Variants in SPATA13 observed in about 807,000 individuals in gnomAD.
SPATA13 encodes spermatogenesis associated 13.
A neutral mutation model predicts 104.0 loss-of-function variants in SPATA13; 50 were observed. The observed-to-expected ratio is 0.48, with a 90% CI of 0.38 to 0.61. The LOEUF (loss-of-function observed/expected upper bound fraction) is 0.61, where lower values mean the gene tolerates loss of function less well. Among genes scored for constraint, SPATA13 ranks in the 20% least tolerant of loss-of-function variants. The pLI is 0.00. For missense variants in SPATA13, 1,524 were observed against 1,690.6 expected, an observed-to-expected ratio of 0.90 and a Z score of 1.73; for synonymous variants, 606 against 667.5, an observed-to-expected ratio of 0.91 and a Z score of 1.42.
upstream of SPATA13, chr13:24,160,618 A>T: frequency 1.8e-6 from 1 of 569,128 alleles, no homozygotes; most frequent in Non-Finnish European, 2.0e-6. Flanking sequence ...GTGTGGCCTG[A>T]GGGAGTGAGC....
At chr13:24,066,573 C>T (rs1006713783) in intron 3 of SPATA13, among the ~76,000 whole-genome samples, 2 of 152,110 alleles carry the variant, frequency 1.3e-5, no homozygotes, top group South Asian at 2.1e-4. Context: ...TTCTCAAAGG[C>T]GGGAGTGCCT....
chr13:24,126,231 C>A (rs777175296), intron 3 of SPATA13, among the ~76,000 whole-genome samples: 3 of 152,132 alleles, frequency 2.0e-5, no homozygotes, highest in Non-Finnish European at 1.5e-5. Flanking sequence ...GGAGCCTTTG[C>A]GGCTGTGACC....
At chr13:24,220,079 C>T (rs906826911) in intron 1 of SPATA13, among the ~76,000 whole-genome samples, 9 of 152,118 alleles carry the variant, frequency 5.9e-5, no homozygotes, top group African/African-American at 2.2e-4. Flanking sequence ...ATTACCTTAT[C>T]ATTGCCTTGA....
chr13:24,145,720 T>C (rs1326081907), intron 3 of SPATA13, among the ~76,000 whole-genome samples: 1 of 152,136 alleles, frequency 6.6e-6, no homozygotes, highest in East Asian at 1.9e-4. Flanking sequence ...GTGGAGAGAA[T>C]TGTGCATGAT....
intron 3 of SPATA13, among the ~76,000 whole-genome samples, chr13:24,107,657 G>A (rs898848925): frequency 2.6e-5 from 4 of 152,100 alleles, no homozygotes; most frequent in African/African-American, 7.2e-5. Context: ...CAATGACAGC[G>A]CCTACGTCAG....
chr13:24,234,494 C>T (rs1292273283), intron 2 of SPATA13, among the ~76,000 whole-genome samples: 1 of 152,196 alleles, frequency 6.6e-6, no homozygotes, highest in Non-Finnish European at 1.5e-5. Flanking sequence ...GAATTGCTTT[C>T]AACCCGGCTT....
intron 2 of SPATA13, among the ~76,000 whole-genome samples, chr13:24,233,973 G>A (rs939534899): frequency 2.6e-5 from 4 of 151,236 alleles, no homozygotes; most frequent in Non-Finnish European, 5.9e-5. Context: ...TAAAATTATC[G>A]TATACCTGTA....
chr13:24,118,080 A>C (rs1313986312), intron 3 of SPATA13, among the ~76,000 whole-genome samples: 2 of 152,174 alleles, frequency 1.3e-5, no homozygotes, highest in African/African-American at 4.8e-5. Flanking sequence ...TTGGTTGATC[A>C]AAACTCTAAA....
At chr13:24,184,821 A>G (rs529586112) in intron 1 of SPATA13, among the ~76,000 whole-genome samples, 247 of 152,184 alleles carry the variant, frequency 1.6e-3, no homozygotes, top group African/African-American at 5.7e-3. Context: ...TTTTTTTTTA[A>G]TAAAATACTT....
At chr13:24,048,895 T>C (rs1364994135) in intron 3 of SPATA13, among the ~76,000 whole-genome samples, 4 of 152,016 alleles carry the variant, frequency 2.6e-5, no homozygotes, top group Non-Finnish European at 5.9e-5. Context: ...TTCTTTATTA[T>C]AGAAGAAAAT....
intron 3 of SPATA13, among the ~76,000 whole-genome samples, chr13:24,097,673 G>C (rs1054768801): frequency 6.6e-6 from 1 of 152,172 alleles, no homozygotes; most frequent in African/African-American, 2.4e-5. Context: ...AAACAAGCCA[G>C]GCATAGTTTC....
At position 24,018,943 on chromosome 13, in the gene SPATA13, T is replaced by G. The variant is rs577188918; in HGVS notation, c.-112+1242T>G. On this transcript the variant is annotated intron_variant, in intron 3 of 14. Coordinates refer to the SPATA13 transcript ENST00000424834. The stretch of plus-strand genomic sequence containing the variant: ...ACTTAATTTGTCTGTTTTAGGACAT[T>G]TCAAATATTTAAGATGCAGAAGAAT... 3.3e-5 allele frequency among the ~76,000 whole-genome samples: 5 copies of G among 152,274 alleles called. No individual in the cohort carries two copies. The South Asian group carries it at 8.3e-4, about 25-fold the overall frequency.
chr13:24,074,144 A>ACT (rs10676141), intron 3 of SPATA13, among the ~76,000 whole-genome samples: 77,408 of 151,954 alleles, frequency 0.51, 19,807 homozygotes, highest in Middle Eastern at 0.55. Flanking sequence ...AAGATCTGAA[A>ACT]CTGTCTTCAT....
intron 3 of SPATA13, among the ~76,000 whole-genome samples, chr13:24,119,055 G>C (rs1031636320): frequency 1.3e-5 from 2 of 151,972 alleles, no homozygotes; most frequent in African/African-American, 4.8e-5. Context: ...GCAGGCGCCT[G>C]CCACCGCTCC....
intron 4 of SPATA13, among the ~76,000 whole-genome samples, chr13:24,272,479 A>G (rs566675803): frequency 2.6e-5 from 4 of 152,198 alleles, no homozygotes; most frequent in African/African-American, 7.2e-5. Flanking sequence ...AAAACAAATA[A>G]TAAAGCTTGC....
At position 24,011,134 on chromosome 13, in the gene SPATA13, C is replaced by T. The variant is rs1360291634; in HGVS notation, c.-146-6533C>T. ...TGACCACCTGGCCGTGGGCCCCTCC[C>T]TGTAGAGCCACACTGCAGGAAAACA... On this transcript the variant is annotated intron_variant, in intron 2 of 14. Transcript: ENST00000424834. The surrounding 1 kb of genome is among the most constrained non-coding windows in gnomAD (Gnocchi z 4.3). 6.6e-6 allele frequency among the ~76,000 whole-genome samples: 1 copy of T among 152,140 alleles called. No individual in the cohort carries two copies. The highest frequency in any genetic ancestry group is 2.4e-5 in the African/African-American group (1 of 41,432).
chr13:24,152,872 T>C (rs7140061), intron 3 of SPATA13, among the ~76,000 whole-genome samples: 70,098 of 152,180 alleles, frequency 0.46, 17,617 homozygotes, highest in Admixed American at 0.59. Flanking sequence ...CTCCCTCAAA[T>C]GTTCAGAACT....
At chr13:24,003,204 T>C (rs1339573888) in intron 2 of SPATA13, among the ~76,000 whole-genome samples, 1 of 152,210 alleles carries the variant, frequency 6.6e-6, no homozygotes, top group Admixed American at 6.5e-5. Context: ...TGCTTAGATG[T>C]ACCTATAGAT....
intron 4 of SPATA13, among the ~76,000 whole-genome samples, chr13:24,281,125 G>A (rs117520404): frequency 4.6e-5 from 7 of 152,068 alleles, no homozygotes; most frequent in East Asian, 1.9e-4. Context: ...CCTGGCAACC[G>A]TCCCCTCTCC....
Sources: gnomAD v4.1 joint callset for allele counts (sites outside exome capture counted in the v4.1 genomes callset) on GRCh38, gnomAD v4.1.1 for gene constraint, Gnocchi (gnomAD v3.1) non-coding constraint, MANE v1.5 for transcripts, NCBI Gene and HGNC (gene_info 2026-07-23, HGNC 2026-07-21) for gene names.